The following CNTNAP2 variants were observed in gnomAD, a reference collection of about 807,000 sequenced individuals.
The protein encoded by CNTNAP2 is contactin-associated protein-like 2.
In CNTNAP2, 98 loss-of-function variants were observed where a neutral mutation model predicts 155.2. That is an observed-to-expected ratio of 0.63 (90% CI 0.54 to 0.75). The LOEUF is 0.75. CNTNAP2 is among the 30% of genes least tolerant of loss of function. CNTNAP2 has a pLI of 0.00. For missense variants in CNTNAP2, 1,727 were observed against 1,688.1 expected (o/e 1.02, Z -0.40); for synonymous variants, 651 against 631.2 (o/e 1.03, Z -0.47).
At chr7:146,712,618 A>G (rs190885333) in intron 1 of CNTNAP2, among the ~76,000 whole-genome samples, 6 of 151,638 alleles carry the variant, frequency 4.0e-5, no homozygotes, top group Non-Finnish European at 7.4e-5. Flanking sequence ...TTTTCTTTCA[A>G]AAAAACTAAC....
intron 16 of CNTNAP2, among the ~76,000 whole-genome samples, chr7:148,127,777 T>C (rs1401787990): frequency 6.6e-6 from 1 of 152,238 alleles, no homozygotes; most frequent in East Asian, 1.9e-4. Context: ...AACTGGGCTG[T>C]TGTTCTGTTG....
At chr7:147,623,926 A>G (rs73468997) in intron 12 of CNTNAP2, among the ~76,000 whole-genome samples, 4,662 of 151,596 alleles carry the variant, frequency 0.031, 232 homozygotes, top group African/African-American at 0.11. Flanking sequence ...ATGTAGATCA[A>G]TGGAACAGAA....
intron 21 of CNTNAP2, among the ~76,000 whole-genome samples, chr7:148,294,059 A>G (rs1050185388): frequency 3.3e-5 from 5 of 151,194 alleles, no homozygotes; most frequent in Non-Finnish European, 7.4e-5. Flanking sequence ...AAAAAAAAAA[A>G]AAAAAAAAGA....
At chr7:146,830,201 G>T (rs112614703) in intron 2 of CNTNAP2, among the ~76,000 whole-genome samples, 119 of 152,142 alleles carry the variant, frequency 7.8e-4, no homozygotes, top group African/African-American at 2.7e-3. Flanking sequence ...ACCACAAAAA[G>T]ATGCTGTATG....
intron 14 of CNTNAP2, among the ~76,000 whole-genome samples, chr7:147,934,683 A>G (rs1291432696): frequency 6.6e-6 from 1 of 152,240 alleles, no homozygotes; most frequent in Non-Finnish European, 1.5e-5. Context: ...CAGCACTGAA[A>G]TCTTGAACTT....
chr7:148,243,896 T>C (rs932727243), intron 20 of CNTNAP2, among the ~76,000 whole-genome samples: 20 of 152,176 alleles, frequency 1.3e-4, no homozygotes, highest in African/African-American at 4.3e-4. Context: ...CCACAAGCAG[T>C]CTTTTACAGA....
chr7:147,872,274 T>A (rs2116703251), intron 13 of CNTNAP2, among the ~76,000 whole-genome samples: 1 of 152,358 alleles, frequency 6.6e-6, no homozygotes, highest in East Asian at 1.9e-4. Context: ...TTGTAATTCT[T>A]CTTTTTAGCA....
intron 3 of CNTNAP2, among the ~76,000 whole-genome samples, chr7:146,996,454 TA>T (rs1329750790): frequency 6.6e-6 from 1 of 152,064 alleles, no homozygotes. Flanking sequence ...ATTTTTGGAG[TA>T]TTTTTTTATA....
intron 3 of CNTNAP2, among the ~76,000 whole-genome samples, chr7:147,007,557 A>C: frequency 6.6e-6 from 1 of 152,086 alleles, no homozygotes; most frequent in Non-Finnish European, 1.5e-5. Context: ...GATTAATGTA[A>C]ATTAAATATC....
chr7:146,861,649 A>T (rs1795103795), intron 3 of CNTNAP2, among the ~76,000 whole-genome samples: 1 of 152,116 alleles, frequency 6.6e-6, no homozygotes. Flanking sequence ...TATCATTATA[A>T]AAAATCAGCA....
intron 15 of CNTNAP2, among the ~76,000 whole-genome samples, chr7:148,031,698 G>A (rs1802479078): frequency 6.6e-6 from 1 of 152,136 alleles, no homozygotes; most frequent in Non-Finnish European, 1.5e-5. Flanking sequence ...AGCCTTCCTG[G>A]GTAACATACG....
chr7:147,087,499 G>T (rs1425683750), intron 4 of CNTNAP2, among the ~76,000 whole-genome samples: 2 of 152,250 alleles, frequency 1.3e-5, no homozygotes, highest in South Asian at 4.1e-4. Context: ...TACCTCACTT[G>T]CATGGCTATT....
chr7:147,863,192 G>A (rs1799166341), intron 13 of CNTNAP2, among the ~76,000 whole-genome samples: 1 of 152,060 alleles, frequency 6.6e-6, no homozygotes, highest in African/African-American at 2.4e-5. Context: ...TTGGTTTTCT[G>A]TCCTTGTGAT....
At chr7:146,231,204 A>G (rs936595664) in intron 1 of CNTNAP2, among the ~76,000 whole-genome samples, 4 of 152,118 alleles carry the variant, frequency 2.6e-5, no homozygotes, top group African/African-American at 9.7e-5. Context: ...TTTGGAAAAT[A>G]GATATGGATC....
chr7:146,970,788 A>G (rs1268537309), intron 3 of CNTNAP2, among the ~76,000 whole-genome samples: 4 of 152,214 alleles, frequency 2.6e-5, no homozygotes, highest in Non-Finnish European at 5.9e-5. Context: ...ACTATTCACA[A>G]AATCAAAGAC....
intron 1 of CNTNAP2, among the ~76,000 whole-genome samples, chr7:146,698,291 T>C (rs1175873505): frequency 1.3e-5 from 2 of 152,010 alleles, no homozygotes; most frequent in African/African-American, 4.8e-5. Flanking sequence ...CTAATCTGAG[T>C]CATTTTTTTC....
At chr7:147,379,882 C>T (rs826813) in intron 9 of CNTNAP2, among the ~76,000 whole-genome samples, 21,295 of 151,938 alleles carry the variant, frequency 0.14, 1,681 homozygotes, top group East Asian at 0.32. Flanking sequence ...CTACTATAGC[C>T]CACCATCAGC....
intron 1 of CNTNAP2, among the ~76,000 whole-genome samples, chr7:146,520,312 T>TCA (rs1157575269): frequency 3.6e-5 from 2 of 55,434 alleles, no homozygotes; most frequent in Non-Finnish European, 7.5e-5. Context: ...CTAGATATAT[T>TCA]CATATATATA....
At chr7:147,437,053 G>A (rs1156662642) in intron 10 of CNTNAP2, among the ~76,000 whole-genome samples, 1 of 151,986 alleles carries the variant, frequency 6.6e-6, no homozygotes, top group Non-Finnish European at 1.5e-5. Context: ...TAGTCCAGCT[G>A]AGGGAACTGC....
Sources: allele counts gnomAD v4.1 joint callset (sites outside exome capture counted in the v4.1 genomes callset), GRCh38; gene constraint gnomAD v4.1.1; transcripts MANE v1.5; gene names NCBI Gene and HGNC (gene_info 2026-07-23, HGNC 2026-07-21).